Variants in SAR1A observed in about 807,000 individuals in gnomAD.
SAR1A encodes the protein secretion associated Ras related GTPase 1A, also known as small COPII coat GTPase SAR1A.
SAR1A carries 6 observed loss-of-function variants against 22.6 expected under a neutral mutation model. That is an observed-to-expected ratio of 0.27 (90% CI 0.15 to 0.52). The LOEUF is 0.52. Among genes scored for constraint, SAR1A ranks in the 20% least tolerant of loss-of-function variants. The pLI, the probability that SAR1A is intolerant of heterozygous loss-of-function variation, is 0.96. For missense variants in SAR1A, 145 were observed against 245.1 expected (o/e 0.59, Z 2.73); for synonymous variants, 70 against 82.2 (o/e 0.85, Z 0.80).
At position 70,152,291 on chromosome 10, in the gene SAR1A, TC is replaced by T; in HGVS notation, c.*184del. On this transcript the variant is annotated 3_prime_UTR_variant, in exon 7 of 7. Transcript: ENST00000373241. ...CACCAGCACGTGGGGCAGCATTACC[TC>T]CCAACAGTGTGGAGAAGAGCACATG... The T allele has an allele frequency of 1.0e-6, 1 of 994,300 alleles. No individual in the cohort carries two copies. Among genetic ancestry groups the T allele is most frequent in the Non-Finnish European group, 1.5e-6 (1 of 668,188 alleles). 61.6% of individuals were successfully genotyped at this position (994,300 alleles called of 1,614,324 possible).
Position 70,147,966 on chromosome 10 carries a change from C to CCT in SAR1A, c.*4508_*4509dup, listed in dbSNP as rs1451258818. The CCT allele has an allele frequency of 6.6e-6, 1 of 152,252 alleles. No homozygotes were observed. The highest frequency in any genetic ancestry group is 1.5e-5 in the Non-Finnish European group (1 of 68,056). The allele number at this position is 152,252 out of a possible 1,614,324, so 9.4% of individuals were successfully genotyped here. A position where few individuals can be genotyped will look rare whatever the true frequency, so the allele number is the denominator to read the frequency against. On this transcript the variant is annotated 3_prime_UTR_variant, in exon 7 of 7. Transcript: ENST00000373241. ...CGATCTCCGCTCACTGCAAACTCCGCCTCCTGGGTTCACGCTATTCTCCTG... is the reference window on the plus strand; with the variant it reads ...CGATCTCCGCTCACTGCAAACTCCGCCTCTCCTGGGTTCACGCTATTCTCCTG...
intron 5 of SAR1A, among the ~76,000 whole-genome samples, chr10:70,156,126 C>T (rs1192186656): frequency 6.6e-6 from 1 of 151,892 alleles, no homozygotes; most frequent in African/African-American, 2.4e-5. Flanking sequence ...TAGGAGTTGT[C>T]GAGAGTAGGC....
At chr10:70,162,486 G>C (rs1479318596) in intron 1 of SAR1A, among the ~76,000 whole-genome samples, 1 of 131,880 alleles carries the variant, frequency 7.6e-6, no homozygotes, top group African/African-American at 2.8e-5. Context: ...GGGGAGGAGG[G>C]GGAGGGGAGG....
intron 1 of SAR1A, among the ~76,000 whole-genome samples, chr10:70,166,059 T>C (rs1260445568): frequency 6.6e-6 from 1 of 152,218 alleles, no homozygotes; most frequent in African/African-American, 2.4e-5. Context: ...TTTTTAGCCA[T>C]AAAGTATTTT....
At chr10:70,161,504 G>A in intron 3 of SAR1A, 115 bp downstream of exon 3, 6 of 1,233,982 alleles carry the variant, frequency 4.9e-6, no homozygotes, top group East Asian at 2.4e-5. Flanking sequence ...TTTCTCGTAT[G>A]AGTTGGCTTT....
intron 6 of SAR1A, among the ~76,000 whole-genome samples, 164 bp from the exon 7 acceptor site, chr10:70,152,756 G>A (rs746512284): frequency 6.6e-6 from 1 of 152,182 alleles, no homozygotes; most frequent in Non-Finnish European, 1.5e-5. Context: ...CCCAGGCTTC[G>A]TGTTTTCAGG....
At chr10:70,163,542 C>T (rs1299701009) in intron 1 of SAR1A, 1 of 511,638 alleles carries the variant, frequency 2.0e-6, no homozygotes, top group South Asian at 2.2e-5. Flanking sequence ...ATTTACCATT[C>T]TGAAAATCCT....
chr10:70,155,136 C>T (rs749730607), intron 5 of SAR1A: 2 of 523,402 alleles, frequency 3.8e-6, no homozygotes, highest in Non-Finnish European at 7.8e-6. Context: ...TAAAAGACCA[C>T]AAATCCAGAA....
rs1839356602 is a variant in SAR1A, at chr10:70,153,934, T to C, written c.384A>G (p.Pro128=). The C allele has an allele frequency of 6.2e-7, 1 of 1,602,872 alleles. No individual in the cohort carries two copies. ...LMTDETISNV[P]ILILGNKIDR... is the part of the protein sequence containing the mutation. ...CAATTTTGTTACCCAAGATAAGGAT[T>C]GGCACATTGGATATTGTTTCATCAG... The change falls in exon 6 of 7, where the codon CCA becomes CCG. Residue 128 remains proline, a synonymous_variant. Coordinates refer to ENST00000373241, the MANE Select transcript of SAR1A (RefSeq NM_020150.5).
chr10:70,162,120 A>C (rs1247016777), intron 1 of SAR1A, among the ~76,000 whole-genome samples, 189 bp from the exon 2 acceptor site: 1 of 152,124 alleles, frequency 6.6e-6, no homozygotes, highest in Non-Finnish European at 1.5e-5. Flanking sequence ...CAGGCGGATC[A>C]CTTGAGCCCA....
rs1839302377 is a variant in SAR1A at position 70,149,547 on chromosome 10, A to ATTTTGTTTTTTTTTT, written c.*2928_*2929insAAAAAAAAAACAAAA. 1.5e-5 allele frequency: 1 copy of ATTTTGTTTTTTTTTT among 68,034 alleles called. No homozygotes were observed. The highest frequency in any genetic ancestry group is 6.5e-4 in the South Asian group (1 of 1,546). The allele number at this position is 68,034 out of a possible 1,614,324, so 4.2% of individuals were successfully genotyped here. On this transcript the variant is annotated 3_prime_UTR_variant, in exon 7 of 7. Coordinates refer to ENST00000373241, the MANE Select transcript of SAR1A (RefSeq NM_020150.5). ...TTTTGCCAAATGTAGCATTTAATTGATTTTTTTTTTTTTTTTTTTTTTGAG... is the reference window on the plus strand; with the variant it reads ...TTTTGCCAAATGTAGCATTTAATTGATTTTGTTTTTTTTTTTTTTTTTTTTTTTTTTTTTTTTGAG...
At position 70,148,793 on chromosome 10, in the gene SAR1A, A is replaced by G. The variant is rs1293811703; in HGVS notation, c.*3683T>C. 1 of 142,226 alleles carries G rather than the reference A, an allele frequency of 7.0e-6. No individual in the cohort carries two copies. Among genetic ancestry groups the G allele is most frequent in the Non-Finnish European group, 1.5e-5 (1 of 68,064 alleles). 8.8% of individuals were successfully genotyped at this position (142,226 alleles called of 1,614,324 possible). A position where few individuals can be genotyped will look rare whatever the true frequency, so the allele number is the denominator to read the frequency against. On this transcript the variant is annotated 3_prime_UTR_variant, in exon 7 of 7. Transcript: ENST00000373241. Reference sequence around the variant, plus strand: ...CGACAGAGTGAGACCAACTCAAAAAACAAACAAACAAACAAACAAACAAAC... The same window carrying G: ...CGACAGAGTGAGACCAACTCAAAAAGCAAACAAACAAACAAACAAACAAAC...
chr10:70,151,159 C>A lies in SAR1A; in HGVS notation c.*1317G>T, dbSNP rs1356309795. 6.7e-6 allele frequency: 1 copy of A among 148,870 alleles called. No homozygotes were observed. The highest frequency in any genetic ancestry group is 1.5e-5 in the Non-Finnish European group (1 of 67,682). 9.2% of individuals were successfully genotyped at this position (148,870 alleles called of 1,614,324 possible). ...GTGCTTTTATACTGAGTCTTTACTG[C>A]CAATAAGTGATGCTGCCTCCAAAGG... On this transcript the variant is annotated 3_prime_UTR_variant, in exon 7 of 7. Transcript: ENST00000373241.
At chr10:70,154,051 T>G in intron 5 of SAR1A, 82 bp from the exon 6 acceptor site, 2 of 1,055,268 alleles carry the variant, frequency 1.9e-6, no homozygotes, top group Non-Finnish European at 2.7e-6. Context: ...ATGAAAATTC[T>G]GACTTCCACT....
intron 1 of SAR1A, chr10:70,166,662 C>T (rs1308584528): frequency 6.6e-6 from 1 of 152,050 alleles, no homozygotes; most frequent in Non-Finnish European, 1.5e-5. Context: ...CACCCAAACT[C>T]ATTTTACAAA....
Position 70,151,098 on chromosome 10 carries a change from A to G in SAR1A, c.*1378T>C, listed in dbSNP as rs1401653679. 2 of 152,080 alleles carry G rather than the reference A, an allele frequency of 1.3e-5. No individual in the cohort carries two copies. The highest frequency in any genetic ancestry group is 4.8e-5 in the African/African-American group (2 of 41,412). 9.4% of individuals were successfully genotyped at this position (152,080 alleles called of 1,614,324 possible). A position where few individuals can be genotyped will look rare whatever the true frequency, so the allele number is the denominator to read the frequency against. On this transcript the variant is annotated 3_prime_UTR_variant, in exon 7 of 7. Transcript: ENST00000373241. Reference sequence around the variant, plus strand: ...TGTGGCACTAGGAAAATGGAATGCTATAAAATTAATCCCCATCACCCAAGT... The same window carrying G: ...TGTGGCACTAGGAAAATGGAATGCTGTAAAATTAATCCCCATCACCCAAGT...
At chr10:70,158,764 A>C (rs1839428878) in intron 4 of SAR1A, among the ~76,000 whole-genome samples, 1 of 152,008 alleles carries the variant, frequency 6.6e-6, no homozygotes, top group East Asian at 1.9e-4. Flanking sequence ...ATACAAAAAA[A>C]AAAAAAGGAA....
rs992450684 is a variant in SAR1A at position 70,148,014 on chromosome 10, G to C, written c.*4462C>G. 1 of 152,310 alleles carries C rather than the reference G, an allele frequency of 6.6e-6. No homozygotes were observed. The highest frequency in any genetic ancestry group is 1.5e-5 in the Non-Finnish European group (1 of 68,118). The allele number at this position is 152,310 out of a possible 1,614,324, so 9.4% of individuals were successfully genotyped here. On this transcript the variant is annotated 3_prime_UTR_variant, in exon 7 of 7. Coordinates refer to ENST00000373241, the MANE Select transcript of SAR1A (RefSeq NM_020150.5). The stretch of plus-strand genomic sequence containing the variant: ...CTGCCTCAGCCTCCCCAGTCGCTGG[G>C]ACTACAGGCGCCTGCCACCACGCCC...
chr10:70,154,107 T>C (rs1839358165), intron 5 of SAR1A, 138 bp from the exon 6 acceptor site: 1 of 590,352 alleles, frequency 1.7e-6, no homozygotes, highest in African/African-American at 1.9e-5. Context: ...ATCAACTTTA[T>C]ACCTGAGTGA....
Sources: allele counts gnomAD v4.1 joint callset (sites outside exome capture counted in the v4.1 genomes callset), GRCh38; gene constraint gnomAD v4.1.1; transcripts MANE v1.5; gene names NCBI Gene and HGNC (gene_info 2026-07-23, HGNC 2026-07-21).